SIPA1L1: variants seen among roughly 807,000 people sequenced by gnomAD.
SIPA1L1 encodes signal-induced proliferation-associated 1-like protein 1.
In SIPA1L1, 26 loss-of-function variants were observed where a neutral mutation model predicts 162.7. The observed-to-expected ratio is 0.16, with a 90% CI of 0.12 to 0.22. The LOEUF (loss-of-function observed/expected upper bound fraction) is 0.22. SIPA1L1 is among the 10% of genes least tolerant of loss of function. The pLI is 1.00. For missense variants in SIPA1L1, 1,874 were observed against 2,241.0 expected (o/e 0.84, Z 3.31); for synonymous variants, 829 against 837.4 (o/e 0.99, Z 0.17).
chr14:71,477,876 A>G (rs925469707), intron 2 of SIPA1L1, among the ~76,000 whole-genome samples: 3 of 151,966 alleles, frequency 2.0e-5, no homozygotes, highest in Admixed American at 1.3e-4. Context: ...AATTCCCAGG[A>G]CTGGGATTGC....
At chr14:71,475,070 A>G (rs962438119) in intron 2 of SIPA1L1, among the ~76,000 whole-genome samples, 2 of 152,244 alleles carry the variant, frequency 1.3e-5, no homozygotes, top group South Asian at 4.1e-4. Flanking sequence ...GTCACTTGAC[A>G]TCCCTGTTTA....
At chr14:71,392,081 C>T (rs181745760) in intron 2 of SIPA1L1, among the ~76,000 whole-genome samples, 2 of 152,286 alleles carry the variant, frequency 1.3e-5, no homozygotes, top group Admixed American at 1.3e-4. Flanking sequence ...ATTCTCCTTG[C>T]CCTCAAGTCT....
At chr14:71,585,201 A>G (rs1282849151) in intron 4 of SIPA1L1, among the ~76,000 whole-genome samples, 1 of 152,006 alleles carries the variant, frequency 6.6e-6, no homozygotes, top group East Asian at 1.9e-4. Context: ...AAACATAGAA[A>G]AGGAAGGTCC....
intron 13 of SIPA1L1, among the ~76,000 whole-genome samples, chr14:71,692,194 T>TA (rs2081300992): frequency 6.6e-6 from 1 of 152,222 alleles, no homozygotes; most frequent in Admixed American, 6.5e-5. Flanking sequence ...TTTCCTTTTA[T>TA]AAAAATTAGA....
chr14:71,521,865 T>C (rs546638486), intron 3 of SIPA1L1, among the ~76,000 whole-genome samples: 1 of 152,332 alleles, frequency 6.6e-6, no homozygotes, highest in Admixed American at 6.5e-5. Context: ...TAGTACCACA[T>C]TGTGATTTAT....
chr14:71,588,873 A>G lies in SIPA1L1; in HGVS notation c.1001A>G (p.Tyr334Cys), dbSNP rs377055083. ...PWTCPKCFAHYDVQSILFDLN... is the reference protein window; with the variant it reads ...PWTCPKCFAHCDVQSILFDLN... ...ACATGTCCAAAGTGCTTTGCCCACT[A>G]TGATGTCCAGAGTATATTATTTGAT... Residue 334 changes from tyrosine to cysteine, a missense_variant, in exon 5 of 24, where the codon TAT (tyrosine) becomes TGT (cysteine). Around this residue, in one of 5 missense-constraint regions of SIPA1L1, gnomAD observed 685 missense variants for 828.0 expected, o/e 0.83. Transcript: ENST00000381232. This position sits in a 1 kb window ranked among gnomAD's most constrained non-coding sequence, Gnocchi z 4.3. 3 of 1,614,016 alleles carry G rather than the reference A, an allele frequency of 1.9e-6. No homozygotes were observed. The highest frequency in any genetic ancestry group is 1.3e-5 in the African/African-American group (1 of 74,932).
At chr14:71,452,132 A>G (rs1203628913) in intron 2 of SIPA1L1, among the ~76,000 whole-genome samples, 3 of 152,150 alleles carry the variant, frequency 2.0e-5, no homozygotes, top group Non-Finnish European at 4.4e-5. Context: ...CAGCATCACA[A>G]TTAAAAATCA....
rs936752398 is a variant in SIPA1L1 at position 71,570,730 on chromosome 14, TAGTTTATTAGAAGGACGAG to T, written c.-302-16838_-302-16820del. Among the ~76,000 whole-genome samples the T allele has an allele frequency of 7.9e-5, 12 of 152,218 alleles. No homozygotes were observed. In the South Asian group the frequency reaches 2.1e-3, roughly 26 times the overall value. ...AAGATGAAATGGAAACATAAAAAAT[TAGTTTATTAGAAGGACGAG>T]AGAAAATACTGCATTCATGAAACAA... On this transcript the variant is annotated intron_variant, in intron 4 of 23. Coordinates refer to ENST00000381232, the MANE Select transcript of SIPA1L1 (RefSeq NM_001386936.1).
intron 6 of SIPA1L1, among the ~76,000 whole-genome samples, chr14:71,622,586 C>T (rs532358329): frequency 2.8e-4 from 42 of 152,190 alleles, no homozygotes; most frequent in Admixed American, 9.2e-4. Flanking sequence ...ACTGAGTTAA[C>T]GATTTTCCAT....
chr14:71,385,313 A>G (rs1358341414), intron 2 of SIPA1L1, among the ~76,000 whole-genome samples: 2 of 152,182 alleles, frequency 1.3e-5, no homozygotes, highest in African/African-American at 4.8e-5. Flanking sequence ...TGGTGGAGTG[A>G]GGACTAAAGG....
At position 71,671,227 on chromosome 14, in the gene SIPA1L1, G is replaced by T; in HGVS notation, c.2364G>T (p.Val788=). 1 of 1,614,158 alleles carries T rather than the reference G, an allele frequency of 6.2e-7. No individual in the cohort carries two copies. The highest frequency in any genetic ancestry group is 8.5e-7 in the Non-Finnish European group (1 of 1,180,042). The change falls in exon 11 of 24, where the codon GTG becomes GTT. Residue 788 remains valine, a synonymous_variant. Coordinates refer to ENST00000381232, the MANE Select transcript of SIPA1L1 (RefSeq NM_001386936.1). ...TCAGGGACTTCCTTTTGGCGAAAGT[G>T]ATTAATGCAGAAAATGCTGCTCATA... ...NVFRDFLLAK[V]INAENAAHKS... is the part of the protein sequence containing the mutation.
At position 71,739,652 on chromosome 14, in the gene SIPA1L1, C is replaced by T. The variant is rs1282782478; in HGVS notation, c.*491C>T. ...TTCCTTACCTTCTTCCCTAAAATGC[C>T]TGGAGAGGGAGTTGCTTTGAGAAAA... On this transcript the variant is annotated 3_prime_UTR_variant, in exon 24 of 24. Transcript: ENST00000381232. 4 of 152,290 alleles carry T rather than the reference C, an allele frequency of 2.6e-5. No individual in the cohort carries two copies. Among genetic ancestry groups the T allele is most frequent in the Non-Finnish European group, 4.4e-5 (3 of 68,136 alleles). 9.4% of individuals were successfully genotyped at this position (152,290 alleles called of 1,614,324 possible).
At chr14:71,352,409 C>A (rs780262740) in intron 2 of SIPA1L1, among the ~76,000 whole-genome samples, 4 of 152,190 alleles carry the variant, frequency 2.6e-5, no homozygotes, top group Admixed American at 6.5e-5. Context: ...GGTTACCCCC[C>A]CTCCTAGTTG....
intron 17 of SIPA1L1, among the ~76,000 whole-genome samples, chr14:71,718,884 A>G (rs1453034887): frequency 6.6e-6 from 1 of 152,086 alleles, no homozygotes; most frequent in African/African-American, 2.4e-5. Flanking sequence ...ACTGTTGATG[A>G]ACATTTGGAT....
intron 3 of SIPA1L1, among the ~76,000 whole-genome samples, chr14:71,525,911 T>TA (rs1192936682): frequency 9.9e-5 from 15 of 152,266 alleles, no homozygotes; most frequent in Non-Finnish European, 1.6e-4. Flanking sequence ...ACCCATCTGT[T>TA]ACTTTCCTTC....
At chr14:71,644,482 C>T (rs1053534492) in intron 7 of SIPA1L1, among the ~76,000 whole-genome samples, 1 of 149,754 alleles carries the variant, frequency 6.7e-6, no homozygotes, top group Non-Finnish European at 1.5e-5. Flanking sequence ...AGTGATCCTC[C>T]CACCTTGGCC....
At chr14:71,510,239 T>G (rs2051026069) in intron 2 of SIPA1L1, among the ~76,000 whole-genome samples, 1 of 134,216 alleles carries the variant, frequency 7.5e-6, no homozygotes, top group Admixed American at 8.7e-5. Context: ...CAGGTTGGAG[T>G]GCAGTGGCAC....
At chr14:71,661,023 T>G (rs2043460398) in intron 9 of SIPA1L1, among the ~76,000 whole-genome samples, 1 of 152,254 alleles carries the variant, frequency 6.6e-6, no homozygotes, top group South Asian at 2.1e-4. Context: ...ACTGTTGTTA[T>G]AGAAACTGAG....
At chr14:71,694,624 A>G (rs1246641242) in intron 13 of SIPA1L1, among the ~76,000 whole-genome samples, 1 of 152,242 alleles carries the variant, frequency 6.6e-6, no homozygotes, top group Non-Finnish European at 1.5e-5. Context: ...ATCTTCTGAA[A>G]TTAATGCTAA....
Sources: gnomAD v4.1 joint callset for allele counts (sites outside exome capture counted in the v4.1 genomes callset) on GRCh38, gnomAD v4.1.1 for gene constraint, gnomAD v4.1.1 regional missense constraint, Gnocchi (gnomAD v3.1) non-coding constraint, MANE v1.5 for transcripts, NCBI Gene and HGNC (gene_info 2026-07-23, HGNC 2026-07-21) for gene names.